The following PIR variants were observed in gnomAD, a reference collection of about 807,000 sequenced individuals.
PIR encodes the protein pirin (iron-binding nuclear protein).
In PIR, 22 loss-of-function variants were observed where a neutral mutation model predicts 24.2. The ratio of observed to expected loss-of-function variants is 0.91; its 90% CI spans 0.65 to 1.30. The LOEUF is 1.30. Among genes scored for constraint, PIR ranks in the 50% most tolerant of loss-of-function variants. The pLI, the probability that PIR is intolerant of heterozygous loss-of-function variation, is 0.00. For missense variants in PIR, 220 were observed against 220.3 expected, an observed-to-expected ratio of 1.00 and a Z score of 0.01; for synonymous variants, 80 against 79.6, an observed-to-expected ratio of 1.00 and a Z score of -0.03.
chrX:15,411,506 G>T (rs1053786047), intron 6 of PIR, among the ~76,000 whole-genome samples: 1 of 110,768 alleles, frequency 9.0e-6, no homozygotes, highest in Non-Finnish European at 1.9e-5. Flanking sequence ...ACACCTGTAT[G>T]TGCAGAAAAA....
chrX:15,484,306 C>A (rs991878525), intron 2 of PIR, among the ~76,000 whole-genome samples: 1 of 67,486 alleles, frequency 1.5e-5, no homozygotes. Flanking sequence ...TCTCAATTTT[C>A]TTTTTTTTTT....
At chrX:15,468,066 T>C (rs1371025982) in intron 3 of PIR, among the ~76,000 whole-genome samples, 1 of 112,531 alleles carries the variant, frequency 8.9e-6, no homozygotes, top group Non-Finnish European at 1.9e-5. Context: ...CATGTTATAC[T>C]GAAGGGGCCT....
intron 2 of PIR, among the ~76,000 whole-genome samples, chrX:15,481,672 T>C (rs1406613310): frequency 8.9e-6 from 1 of 112,239 alleles, no homozygotes; most frequent in Non-Finnish European, 1.9e-5. Flanking sequence ...AGTTTGCTGC[T>C]GGAAATTAGA....
chrX:15,457,875 G>A (rs890908363), intron 4 of PIR, among the ~76,000 whole-genome samples: 6 of 112,316 alleles, frequency 5.3e-5, no homozygotes, highest in Non-Finnish European at 1.1e-4. Context: ...ACACGGCCAT[G>A]CCCATTCATT....
intron 6 of PIR, among the ~76,000 whole-genome samples, chrX:15,413,875 A>G (rs772896263): frequency 1.1e-4 from 12 of 111,879 alleles, no homozygotes; most frequent in Non-Finnish European, 2.1e-4. Context: ...ATTAAGAGCC[A>G]TCCCTCAGGA....
At chrX:15,414,921 A>G (rs762730075) in intron 6 of PIR, among the ~76,000 whole-genome samples, 34 of 112,353 alleles carry the variant, frequency 3.0e-4, no homozygotes, top group East Asian at 2.8e-4. Flanking sequence ...TTGATCATCA[A>G]TTTAACCTGT....
At chrX:15,460,007 C>T (rs1284758058) in intron 3 of PIR, among the ~76,000 whole-genome samples, 1 of 109,684 alleles carries the variant, frequency 9.1e-6, no homozygotes, top group African/African-American at 3.3e-5. Context: ...AGGTAGTCAA[C>T]ATTGTCAGAA....
At chrX:15,426,078 C>A in intron 5 of PIR, 88 bp from the exon 6 acceptor site, 1 of 570,918 alleles carries the variant, frequency 1.8e-6, no homozygotes, top group Non-Finnish European at 3.0e-6. Context: ...TAGGCCTGGA[C>A]CTGGATCCAT....
chrX:15,459,607 T>C (rs767079697), intron 4 of PIR, 50 bp downstream of exon 4: 3 of 745,805 alleles, frequency 4.0e-6, no homozygotes, highest in Non-Finnish European at 6.3e-6. Flanking sequence ...ATCAAGCACG[T>C]GCACCCAAAA....
chrX:15,456,087 A>T (rs1569206454), intron 4 of PIR, 33 bp from the exon 5 acceptor site: 2 of 1,121,303 alleles, frequency 1.8e-6, no homozygotes, highest in East Asian at 6.0e-5. Flanking sequence ...AGGGAAATGT[A>T]ACCAAGCTCC....
chrX:15,447,344 G>C (rs1212113199), intron 5 of PIR, among the ~76,000 whole-genome samples: 1 of 108,862 alleles, frequency 9.2e-6, no homozygotes, highest in Non-Finnish European at 1.9e-5. Context: ...GTCTCACTCT[G>C]TCGCCCAGGG....
intron 6 of PIR, among the ~76,000 whole-genome samples, chrX:15,414,842 A>G (rs1220965849): frequency 1.8e-5 from 2 of 111,497 alleles, no homozygotes; most frequent in Admixed American, 1.9e-4. Flanking sequence ...CCTGTAAAAT[A>G]TGAAAAAAAA....
chrX:15,405,176 C>A (rs191941926), intron 7 of PIR, among the ~76,000 whole-genome samples: 276 of 111,982 alleles, frequency 2.5e-3, no homozygotes, highest in African/African-American at 7.7e-3. Flanking sequence ...TCGTTAATTT[C>A]TTTCCCCTTC....
chrX:15,479,360 T>TC (rs749020113), intron 3 of PIR, among the ~76,000 whole-genome samples: 136 of 109,605 alleles, frequency 1.2e-3, no homozygotes, highest in Middle Eastern at 9.4e-3. Context: ...TTTTTTTTTT[T>TC]CTAAGACAAG....
chrX:15,458,968 A>G (rs748133739), intron 4 of PIR, among the ~76,000 whole-genome samples: 1 of 112,566 alleles, frequency 8.9e-6, no homozygotes, highest in Non-Finnish European at 1.9e-5. Context: ...TTTCACTTTC[A>G]TTGAAATATT....
intron 4 of PIR, among the ~76,000 whole-genome samples, chrX:15,457,340 C>T (rs774394093): frequency 3.6e-5 from 4 of 111,680 alleles, no homozygotes; most frequent in Non-Finnish European, 7.5e-5. Context: ...TGTACACATA[C>T]GGGGACCATC....
intron 5 of PIR, among the ~76,000 whole-genome samples, chrX:15,444,293 G>A (rs766961151): frequency 2.9e-4 from 32 of 112,139 alleles, no homozygotes; most frequent in Middle Eastern, 4.6e-3. Context: ...ATTAGGACGC[G>A]CTGGAGGTTC....
intron 3 of PIR, 61 bp downstream of exon 3, chrX:15,479,668 T>C (rs182870001): frequency 1.9e-6 from 1 of 532,311 alleles, no homozygotes; most frequent in East Asian, 3.7e-5. Context: ...TTGAATTTTC[T>C]ATTAGAAGAA....
chrX:15,450,888 C>A (rs1419703499), intron 5 of PIR, among the ~76,000 whole-genome samples: 1 of 111,745 alleles, frequency 8.9e-6, no homozygotes, highest in Non-Finnish European at 1.9e-5. Flanking sequence ...TGGATGAAAG[C>A]AAAACCTGGA....
Sources: gnomAD v4.1 joint callset for allele counts (sites outside exome capture counted in the v4.1 genomes callset) on GRCh38, gnomAD v4.1.1 for gene constraint, MANE v1.5 for transcripts, NCBI Gene and HGNC (gene_info 2026-07-23, HGNC 2026-07-21) for gene names.